Variants in PRKN observed in about 807,000 individuals in gnomAD.
PRKN encodes E3 ubiquitin-protein ligase parkin.
PRKN carries 56 observed loss-of-function variants against 59.5 expected under a neutral mutation model. The ratio of observed to expected loss-of-function variants is 0.94; its 90% confidence interval spans 0.76 to 1.18. PRKN has a LOEUF of 1.18. Ranked by LOEUF, PRKN falls within the 50% of genes most tolerant of loss-of-function variation. The pLI is 0.00. For synonymous variants in PRKN, 250 were observed against 222.1 expected (o/e 1.13, Z -1.12); for missense variants, 657 against 596.4 (o/e 1.10, Z -1.06).
At chr6:162,206,059 T>C (rs996799863) in intron 3 of PRKN, among the ~76,000 whole-genome samples, 1 of 152,090 alleles carries the variant, frequency 6.6e-6, no homozygotes, top group Admixed American at 6.5e-5. Flanking sequence ...GTTTTACTCG[T>C]GGCACTGGGG....
At position 162,670,194 on chromosome 6, in the gene PRKN, C is replaced by G. The variant is rs564676789; in HGVS notation, c.7+57468G>C. On this transcript the variant is annotated intron_variant, in intron 1 of 11. Coordinates refer to ENST00000366898, the MANE Select transcript of PRKN (RefSeq NM_004562.3). ...TGAAAAGTGCTGAATTCCATTCTTT[C>G]AGGGAGATAGAAAACATTTATAACA... is the stretch of plus-strand genomic sequence containing the variant. Among the ~76,000 whole-genome samples the G allele has an allele frequency of 9.1e-4, 139 of 152,298 alleles. 2 individuals carry two copies. The highest frequency in any genetic ancestry group is 1.5e-3 in the Non-Finnish European group (102 of 68,018).
At chr6:161,750,768 CAAA>C (rs112951182) in intron 7 of PRKN, among the ~76,000 whole-genome samples, 9 of 106,106 alleles carry the variant, frequency 8.5e-5, no homozygotes, top group Admixed American at 1.0e-4. Context: ...ACTCTTGTCT[CAAA>C]AAAAAAAAAA....
intron 6 of PRKN, among the ~76,000 whole-genome samples, chr6:161,787,871 G>A (rs189252549): frequency 7.9e-5 from 12 of 152,270 alleles, no homozygotes; most frequent in African/African-American, 2.4e-4. Flanking sequence ...GCATGAACGC[G>A]GGAGCTTGCA....
chr6:162,199,813 T>C (rs563652325), intron 4 of PRKN, among the ~76,000 whole-genome samples: 44 of 152,320 alleles, frequency 2.9e-4, no homozygotes, highest in African/African-American at 1.0e-3. Flanking sequence ...CCTGAGAAGA[T>C]GGATCCATGA....
intron 10 of PRKN, among the ~76,000 whole-genome samples, chr6:161,374,577 G>T (rs998353242): frequency 6.5e-4 from 17 of 26,268 alleles, no homozygotes; most frequent in South Asian, 1.1e-3. Flanking sequence ...GTGTGTAATG[G>T]GTGTGTGGTG....
intron 5 of PRKN, among the ~76,000 whole-genome samples, chr6:162,019,379 T>C (rs1783046519): frequency 6.6e-6 from 1 of 152,176 alleles, no homozygotes; most frequent in South Asian, 2.1e-4. Flanking sequence ...AAGAATACTT[T>C]GAGGGGCACT....
At chr6:161,706,982 G>A (rs182771204) in intron 7 of PRKN, among the ~76,000 whole-genome samples, 156 of 152,240 alleles carry the variant, frequency 1.0e-3, no homozygotes, top group Non-Finnish European at 1.6e-3. Flanking sequence ...AAGCGATATC[G>A]AAAAACTTTA....
In PRKN at chr6:162,023,486, G is replaced by A. The variant is rs549164690; in HGVS notation, c.618+30605C>T. 8.5e-5 allele frequency among the ~76,000 whole-genome samples: 13 copies of A among 152,064 alleles called. No individual in the cohort carries two copies. In the South Asian group the frequency reaches 2.3e-3, roughly 27 times the overall value. On this transcript the variant is annotated intron_variant, in intron 5 of 11. Transcript: ENST00000366898. ...TCGGGGCCAGGGCTCTCCTCCGACCGCCCCAGCCAAACTCCACGTGGTTCT... is the reference window on the plus strand; with the variant it reads ...TCGGGGCCAGGGCTCTCCTCCGACCACCCCAGCCAAACTCCACGTGGTTCT...
chr6:162,534,836 C>G (rs758794199), intron 1 of PRKN, among the ~76,000 whole-genome samples: 5 of 152,134 alleles, frequency 3.3e-5, no homozygotes, highest in Non-Finnish European at 7.4e-5. Flanking sequence ...TTCCGCTTCC[C>G]AAATGAGGAC....
At chr6:162,208,246 G>A (rs936301051) in intron 3 of PRKN, among the ~76,000 whole-genome samples, 21 of 152,214 alleles carry the variant, frequency 1.4e-4, no homozygotes, top group South Asian at 8.3e-4. Flanking sequence ...TGCTTTTAAC[G>A]AGCCATAAAC....
intron 1 of PRKN, among the ~76,000 whole-genome samples, chr6:162,666,763 T>C (rs1232172007): frequency 2.0e-5 from 3 of 152,086 alleles, no homozygotes; most frequent in African/African-American, 7.2e-5. Flanking sequence ...AGGAAAATAA[T>C]TAATACAATG....
At chr6:161,500,273 G>A (rs541883821) in intron 9 of PRKN, among the ~76,000 whole-genome samples, 31 of 151,970 alleles carry the variant, frequency 2.0e-4, no homozygotes, top group African/African-American at 7.0e-4. Flanking sequence ...CCACAAGAGT[G>A]GTACATTTGT....
intron 2 of PRKN, among the ~76,000 whole-genome samples, chr6:162,333,026 C>A (rs1401731970): frequency 6.6e-6 from 1 of 152,120 alleles, no homozygotes; most frequent in African/African-American, 2.4e-5. Flanking sequence ...ACCTTCCAAA[C>A]AGATATTTTG....
intron 9 of PRKN, among the ~76,000 whole-genome samples, chr6:161,434,984 T>C (rs1418850331): frequency 6.6e-6 from 1 of 152,166 alleles, no homozygotes; most frequent in Non-Finnish European, 1.5e-5. Flanking sequence ...GGCTGAAATT[T>C]ACTGAAAGCC....
chr6:161,961,425 T>C (rs1485113594), intron 6 of PRKN, among the ~76,000 whole-genome samples: 1 of 152,212 alleles, frequency 6.6e-6, no homozygotes, highest in Admixed American at 6.5e-5. Context: ...AACTGGTGCA[T>C]GCTCTGCTCA....
rs372511168 is a variant in PRKN, at chr6:161,897,830, A to G, written c.734+75472T>C. ...TGAAAATACAAAAAGTTCCGGGCGT[A>G]GTGGCGGGCGCCTGTAGTCCCAGCT... On this transcript the variant is annotated intron_variant, in intron 6 of 11. Coordinates refer to ENST00000366898, the MANE Select transcript of PRKN (RefSeq NM_004562.3). Among the ~76,000 whole-genome samples, 486 of 150,170 alleles carry G rather than the reference A, an allele frequency of 3.2e-3. 3 individuals are homozygous for G. Among genetic ancestry groups the G allele is most frequent in the Non-Finnish European group, 4.6e-3 (312 of 67,442 alleles).
intron 3 of PRKN, among the ~76,000 whole-genome samples, chr6:162,227,439 A>T (rs1300033135): frequency 6.6e-6 from 1 of 152,146 alleles, no homozygotes; most frequent in Non-Finnish European, 1.5e-5. Flanking sequence ...CCTGAAAATC[A>T]TGGTTTTTGA....
intron 7 of PRKN, among the ~76,000 whole-genome samples, chr6:161,585,584 G>A (rs1781493692): frequency 6.6e-6 from 1 of 152,146 alleles, no homozygotes; most frequent in Non-Finnish European, 1.5e-5. Flanking sequence ...CAATTAAATA[G>A]CGTTCAAATT....
chr6:162,030,144 C>A (rs1180113419), intron 5 of PRKN, among the ~76,000 whole-genome samples: 2 of 152,156 alleles, frequency 1.3e-5, no homozygotes, highest in Non-Finnish European at 2.9e-5. Flanking sequence ...CCAGCCGCTG[C>A]ACCTTTCTGT....
Sources: gnomAD v4.1 joint callset for allele counts (sites outside exome capture counted in the v4.1 genomes callset) on GRCh38, gnomAD v4.1.1 for gene constraint, MANE v1.5 for transcripts, NCBI Gene and HGNC (gene_info 2026-07-23, HGNC 2026-07-21) for gene names.